The following NALF1 variants were observed in gnomAD, a reference collection of about 807,000 sequenced individuals.
NALF1 encodes family with sequence similarity 155 member A.
In NALF1, 3 loss-of-function variants were observed where a neutral mutation model predicts 48.4. The observed-to-expected ratio is 0.06, with a 90% CI of 0.03 to 0.16. The LOEUF is 0.16. Among genes scored for constraint, NALF1 ranks in the 10% least tolerant of loss-of-function variants. The pLI, the probability that NALF1 is intolerant of heterozygous loss-of-function variation, is 1.00. For missense variants in NALF1, 526 were observed against 571.5 expected, an observed-to-expected ratio of 0.92 and a Z score of 0.81; for synonymous variants, 262 against 245.7, an observed-to-expected ratio of 1.07 and a Z score of -0.62.
chr13:107,458,985 G>A (rs916342863), intron 1 of NALF1, among the ~76,000 whole-genome samples: 6 of 151,528 alleles, frequency 4.0e-5, no homozygotes, highest in Admixed American at 1.3e-4. Flanking sequence ...TATAATTGAC[G>A]ACCTTGAGTT....
chr13:107,495,597 G>A (rs1875304222), intron 1 of NALF1, among the ~76,000 whole-genome samples: 1 of 152,148 alleles, frequency 6.6e-6, no homozygotes, highest in African/African-American at 2.4e-5. Flanking sequence ...CACAGGGTGT[G>A]ATTTGATTTC....
At chr13:107,314,152 C>G (rs947909006) in intron 1 of NALF1, among the ~76,000 whole-genome samples, 1 of 152,114 alleles carries the variant, frequency 6.6e-6, no homozygotes, top group Non-Finnish European at 1.5e-5. Context: ...TTCTAAATGT[C>G]TCTCAGGTCT....
At chr13:107,544,005 T>G (rs577898552) in intron 1 of NALF1, among the ~76,000 whole-genome samples, 9 of 151,990 alleles carry the variant, frequency 5.9e-5, no homozygotes, top group South Asian at 2.1e-4. Flanking sequence ...ACCTGTGGAG[T>G]AGGGGTGATG....
At chr13:107,449,950 T>C (rs1180033792) in intron 1 of NALF1, among the ~76,000 whole-genome samples, 2 of 152,132 alleles carry the variant, frequency 1.3e-5, no homozygotes, top group Non-Finnish European at 2.9e-5. Flanking sequence ...TCTCATTTGC[T>C]AGGGTACTCT....
At chr13:107,511,234 G>A (rs899652481) in intron 1 of NALF1, among the ~76,000 whole-genome samples, 4 of 152,174 alleles carry the variant, frequency 2.6e-5, no homozygotes, top group Non-Finnish European at 4.4e-5. Flanking sequence ...TCTCAAATCC[G>A]ACTCTTCCGT....
chr13:107,840,568 A>T (rs1000861902), intron 1 of NALF1, among the ~76,000 whole-genome samples: 8 of 152,196 alleles, frequency 5.3e-5, no homozygotes, highest in African/African-American at 1.7e-4. Flanking sequence ...CCCCTAAAGG[A>T]TTACACCAAA....
At chr13:107,172,036 C>A (rs1878816650) in intron 2 of NALF1, among the ~76,000 whole-genome samples, 1 of 152,204 alleles carries the variant, frequency 6.6e-6, no homozygotes, top group African/African-American at 2.4e-5. Flanking sequence ...TCTCTCCAGG[C>A]TCACTGCTCA....
chr13:107,276,011 T>C (rs1881273369), intron 1 of NALF1, among the ~76,000 whole-genome samples: 1 of 152,090 alleles, frequency 6.6e-6, no homozygotes, highest in Non-Finnish European at 1.5e-5. Context: ...CACGTTGGCC[T>C]TTCCATAGGG....
chr13:107,269,974 G>A (rs1881126215), intron 1 of NALF1, among the ~76,000 whole-genome samples: 2 of 120,306 alleles, frequency 1.7e-5, no homozygotes. Context: ...GTTTCTCCGT[G>A]TTAGCCAGGA....
intron 1 of NALF1, among the ~76,000 whole-genome samples, chr13:107,659,225 C>T (rs899673843): frequency 1.3e-5 from 2 of 152,098 alleles, no homozygotes; most frequent in African/African-American, 4.8e-5. Context: ...GGGAAGCCAC[C>T]CACCAGGGTG....
intron 1 of NALF1, among the ~76,000 whole-genome samples, chr13:107,552,419 ATAATATT>A (rs1226874815): frequency 6.6e-6 from 1 of 152,200 alleles, no homozygotes; most frequent in Non-Finnish European, 1.5e-5. Flanking sequence ...AGCAAATTAG[ATAATATT>A]AGGAAAACGC....
At position 107,476,178 on chromosome 13, in the gene NALF1, T is replaced by C. The variant is rs543375091; in HGVS notation, c.916-265423A>G. Among the ~76,000 whole-genome samples, 4 of 152,310 alleles carry C rather than the reference T, an allele frequency of 2.6e-5. No homozygotes were observed. In the East Asian group the frequency reaches 5.8e-4, roughly 22 times the overall value. On this transcript the variant is annotated intron_variant, in intron 1 of 2. Coordinates refer to ENST00000375915, the MANE Select transcript of NALF1 (RefSeq NM_001080396.3). Reference sequence around the variant, plus strand: ...CAGCATCTTTGGATTACAAAGAGTGTCCTGCCATTGCAGGCAGCCGACTTC... The same window carrying C: ...CAGCATCTTTGGATTACAAAGAGTGCCCTGCCATTGCAGGCAGCCGACTTC...
chr13:107,380,652 G>T (rs1883418691), intron 1 of NALF1, among the ~76,000 whole-genome samples: 1 of 152,062 alleles, frequency 6.6e-6, no homozygotes, highest in African/African-American at 2.4e-5. Context: ...AAAGATAAAA[G>T]ATTTTGTTAA....
intron 1 of NALF1, among the ~76,000 whole-genome samples, chr13:107,810,531 T>C (rs1385300196): frequency 6.6e-6 from 1 of 152,144 alleles, no homozygotes; most frequent in African/African-American, 2.4e-5. Flanking sequence ...TATCCATGTT[T>C]CCAATAGCTT....
At position 107,711,361 on chromosome 13, in the gene NALF1, A is replaced by T. The variant is rs538874002; in HGVS notation, c.915+154321T>A. ...GTTTATTTATTTATTTTTGAGACGA[A>T]GTCTCGCCCTGTCTCCCAGGCGGGA... On this transcript the variant is annotated intron_variant, in intron 1 of 2. Transcript: ENST00000375915. Among the ~76,000 whole-genome samples the T allele has an allele frequency of 3.3e-5, 5 of 152,334 alleles. No homozygotes were observed. The South Asian group carries it at 1.0e-3, about 32-fold the overall frequency.
At chr13:107,776,709 A>G (rs888387844) in intron 1 of NALF1, among the ~76,000 whole-genome samples, 1 of 152,228 alleles carries the variant, frequency 6.6e-6, no homozygotes, top group African/African-American at 2.4e-5. Context: ...CAAAAATGTA[A>G]ATGCATACTT....
At chr13:107,337,640 T>C (rs1378874798) in intron 1 of NALF1, among the ~76,000 whole-genome samples, 5 of 152,174 alleles carry the variant, frequency 3.3e-5, no homozygotes, top group Non-Finnish European at 7.4e-5. Context: ...GCCATTATTG[T>C]ATAATTTCCT....
At chr13:107,198,593 A>T (rs115953182) in intron 2 of NALF1, among the ~76,000 whole-genome samples, 234 of 152,360 alleles carry the variant, frequency 1.5e-3, no homozygotes, top group African/African-American at 5.2e-3. Context: ...TTGAACAAAT[A>T]ACATTGAATA....
intron 1 of NALF1, among the ~76,000 whole-genome samples, chr13:107,517,746 G>A (rs1876109340): frequency 6.6e-6 from 1 of 152,152 alleles, no homozygotes. Flanking sequence ...TCTGAGGTCA[G>A]GTGTTCGAGA....
Sources: gnomAD v4.1 joint callset for allele counts (sites outside exome capture counted in the v4.1 genomes callset) on GRCh38, gnomAD v4.1.1 for gene constraint, MANE v1.5 for transcripts, NCBI Gene and HGNC (gene_info 2026-07-23, HGNC 2026-07-21) for gene names.